Variants in BACH1 observed in about 807,000 individuals in gnomAD.
The protein encoded by BACH1 is BTB domain and CNC homolog 1.
Under a neutral mutation model 52.9 loss-of-function variants are expected in BACH1, and 35 were observed. The observed-to-expected ratio is 0.66, with a 90% CI of 0.51 to 0.88. BACH1 has a LOEUF of 0.88. Among genes scored for constraint, BACH1 ranks in the 40% least tolerant of loss-of-function variants. The pLI, the probability that BACH1 is intolerant of heterozygous loss-of-function variation, is 0.00. For synonymous variants in BACH1, 321 were observed against 319.6 expected (o/e 1.00, Z -0.05); for missense variants, 808 against 872.6 (o/e 0.93, Z 0.93).
intron 2 of BACH1, among the ~76,000 whole-genome samples, chr21:29,323,917 A>G (rs2088878003): frequency 6.6e-6 from 1 of 152,122 alleles, no homozygotes; most frequent in Admixed American, 6.5e-5. Context: ...TAAGTTCTAT[A>G]TAATTTTATC....
chr21:29,318,663 G>C (rs571369678), intron 1 of BACH1, among the ~76,000 whole-genome samples: 1 of 152,332 alleles, frequency 6.6e-6, no homozygotes, highest in East Asian at 1.9e-4. Flanking sequence ...TAGTCAGCCA[G>C]CTGGTGGCAG....
chr21:29,329,927 A>G (rs2088961434), intron 4 of BACH1, among the ~76,000 whole-genome samples: 1 of 152,216 alleles, frequency 6.6e-6, no homozygotes, highest in African/African-American at 2.4e-5. Context: ...GTGGTTGTGA[A>G]TAGATTCAAG....
chr21:29,327,515 T>A, intron 3 of BACH1, 122 bp downstream of exon 3: 2 of 1,337,486 alleles, frequency 1.5e-6, no homozygotes, highest in Non-Finnish European at 2.0e-6. Flanking sequence ...AGGAAACTCA[T>A]ACAAAATTAA....
chr21:29,350,137 A>G (rs1220348372), downstream of BACH1, among the ~76,000 whole-genome samples: 1 of 152,146 alleles, frequency 6.6e-6, no homozygotes, highest in Non-Finnish European at 1.5e-5. Context: ...TCACTCCTGT[A>G]AAAACCCACT....
In BACH1 at chr21:29,345,202, A is replaced by G. The variant is rs2089156578; in HGVS notation, c.*2369A>G. On this transcript the variant is annotated 3_prime_UTR_variant, in exon 5 of 5. Transcript: ENST00000286800. The stretch of plus-strand genomic sequence containing the variant: ...TTTGTCTTTTGGCCATAAGTGGGAA[A>G]GTTTTCTGTATATTGCATAGCATTA... 1 of 152,646 alleles carries G rather than the reference A, an allele frequency of 6.6e-6. No individual in the cohort carries two copies. Among genetic ancestry groups the G allele is most frequent in the Non-Finnish European group, 1.5e-5 (1 of 68,018 alleles). 9.5% of individuals were successfully genotyped at this position (152,646 alleles called of 1,614,324 possible).
At chr21:29,330,097 T>C (rs1359499673) in intron 4 of BACH1, among the ~76,000 whole-genome samples, 1 of 152,222 alleles carries the variant, frequency 6.6e-6, no homozygotes, top group Non-Finnish European at 1.5e-5. Context: ...CTGATAGATA[T>C]GGTGATATGA....
intron 2 of BACH1, among the ~76,000 whole-genome samples, chr21:29,353,553 A>C (rs1448355458): frequency 6.6e-6 from 1 of 152,152 alleles, no homozygotes; most frequent in Non-Finnish European, 1.5e-5. Flanking sequence ...GGAACTGGCC[A>C]AGAAGTGTTT....
intron 4 of BACH1, among the ~76,000 whole-genome samples, chr21:29,337,997 C>G (rs189277789): frequency 9.9e-5 from 15 of 152,224 alleles, no homozygotes; most frequent in African/African-American, 3.4e-4. Flanking sequence ...ACTAACATGG[C>G]ACATGTATAC....
chr21:29,347,784 A>C (rs186686493), downstream of BACH1, among the ~76,000 whole-genome samples: 4 of 152,302 alleles, frequency 2.6e-5, no homozygotes, highest in East Asian at 7.7e-4. Flanking sequence ...CCAAAGACTG[A>C]ACATTTTTCT....
At chr21:29,307,502 C>T (rs1311010355) in intron 1 of BACH1, among the ~76,000 whole-genome samples, 1 of 152,098 alleles carries the variant, frequency 6.6e-6, no homozygotes, top group Non-Finnish European at 1.5e-5. Flanking sequence ...TTACTTTCAG[C>T]AGTTTGTTAC....
chr21:29,354,308 A>T (rs2089220519), intron 2 of BACH1, among the ~76,000 whole-genome samples: 1 of 114,762 alleles, frequency 8.7e-6, no homozygotes. Context: ...GGTATATGAT[A>T]AAGTTTGACA....
chr21:29,323,817 G>A (rs1253645212), intron 2 of BACH1, among the ~76,000 whole-genome samples: 1 of 152,198 alleles, frequency 6.6e-6, no homozygotes, highest in South Asian at 2.1e-4. Flanking sequence ...CAAAATTGTA[G>A]TATAGTATTA....
intron 4 of BACH1, 95 bp downstream of exon 4, chr21:29,329,788 C>T: frequency 2.2e-6 from 2 of 903,318 alleles, no homozygotes; most frequent in Non-Finnish European, 3.1e-6. Flanking sequence ...ATATAATGCT[C>T]AATTACTTAT....
chr21:29,310,173 A>G (rs372378031), intron 1 of BACH1, among the ~76,000 whole-genome samples: 2 of 152,098 alleles, frequency 1.3e-5, no homozygotes, highest in Non-Finnish European at 2.9e-5. Flanking sequence ...GGAAATATCT[A>G]CTCTAAAGGG....
At chr21:29,332,090 A>C (rs2088990763) in intron 4 of BACH1, among the ~76,000 whole-genome samples, 1 of 151,804 alleles carries the variant, frequency 6.6e-6, no homozygotes, top group Non-Finnish European at 1.5e-5. Flanking sequence ...GTGCCACCAC[A>C]CCCAACTAAT....
chr21:29,303,074 G>A (rs977124301), intron 1 of BACH1, among the ~76,000 whole-genome samples: 7 of 152,164 alleles, frequency 4.6e-5, no homozygotes, highest in Non-Finnish European at 1.0e-4. Flanking sequence ...GTTAATACCA[G>A]AACAGAACTA....
Position 29,327,060 on chromosome 21 carries a change from C to T in BACH1, c.1236C>T (p.Cys412=). The part of the protein sequence containing the change: ...WSDICSTDTP[C]QMQLSPAVAK... ...ACATTTGCAGCACGGACACTCCTTG[C>T]CAAATGCAGTTATCACCTGCTGTGG... is the stretch of plus-strand genomic sequence containing the variant. The change falls in exon 3 of 5, where the codon TGC becomes TGT. Residue 412 remains cysteine, a synonymous_variant. Transcript: ENST00000286800. 1 of 1,614,184 alleles carries T rather than the reference C, an allele frequency of 6.2e-7. No homozygotes were observed. The highest frequency in any genetic ancestry group is 8.5e-7 in the Non-Finnish European group (1 of 1,180,038).
At chr21:29,355,345 C>T (rs916345690) in intron 2 of BACH1, among the ~76,000 whole-genome samples, 3 of 152,072 alleles carry the variant, frequency 2.0e-5, no homozygotes, top group African/African-American at 7.2e-5. Flanking sequence ...CTGATTGGTG[C>T]GTTTACAAAC....
chr21:29,346,799 G>A (rs1484309212), downstream of BACH1, among the ~76,000 whole-genome samples: 3 of 152,204 alleles, frequency 2.0e-5, no homozygotes, highest in Admixed American at 6.5e-5. Context: ...GAGTTCAAAG[G>A]AGACAGGGTG....
Sources: gnomAD v4.1 joint callset for allele counts (sites outside exome capture counted in the v4.1 genomes callset) on GRCh38, gnomAD v4.1.1 for gene constraint, MANE v1.5 for transcripts, NCBI Gene and HGNC (gene_info 2026-07-23, HGNC 2026-07-21) for gene names.